The following CYSLTR2 variants were observed in gnomAD, a reference collection of about 807,000 sequenced individuals.
CYSLTR2 encodes the protein G-protein coupled receptor GPCR21.
For synonymous variants in CYSLTR2, 179 were observed against 160.8 expected (o/e 1.11, Z -0.86); for missense variants, 398 against 411.9 (o/e 0.97, Z 0.29).
intron 4 of CYSLTR2, among the ~76,000 whole-genome samples, chr13:48,698,749 C>G (rs1369897333): frequency 1.3e-5 from 2 of 152,030 alleles, no homozygotes; most frequent in Non-Finnish European, 2.9e-5. Flanking sequence ...GAGTCAAGAC[C>G]CATCAGCGTG....
chr13:48,692,862 C>A (rs1954073368), intron 2 of CYSLTR2, among the ~76,000 whole-genome samples: 1 of 151,426 alleles, frequency 6.6e-6, no homozygotes, highest in Admixed American at 6.6e-5. Flanking sequence ...TTTTGTTAAT[C>A]TATTGTCATT....
chr13:48,680,790 CTTTTCTTTTCTTTTTT>C (rs1230588651), intron 1 of CYSLTR2, among the ~76,000 whole-genome samples: 4 of 87,404 alleles, frequency 4.6e-5, no homozygotes, highest in Non-Finnish European at 9.1e-5. Flanking sequence ...TCTTTCTTTT[CTTTTCTTTTCTTTTTT>C]TTTTTTTTTT....
intron 1 of CYSLTR2, among the ~76,000 whole-genome samples, chr13:48,677,073 G>A (rs1953616849): frequency 6.6e-6 from 1 of 152,138 alleles, no homozygotes; most frequent in Non-Finnish European, 1.5e-5. Context: ...GTGACTGGGG[G>A]TCAGAAGGGT....
chr13:48,697,088 G>C (rs1353285943), intron 4 of CYSLTR2, among the ~76,000 whole-genome samples: 1 of 152,212 alleles, frequency 6.6e-6, no homozygotes, highest in Non-Finnish European at 1.5e-5. Context: ...TGGGGGCAGG[G>C]CATAGCTGAA....
chr13:48,663,942 A>C (rs1362922405), intron 1 of CYSLTR2, among the ~76,000 whole-genome samples: 3 of 152,036 alleles, frequency 2.0e-5, no homozygotes, highest in Admixed American at 2.0e-4. Context: ...TTTCTAATTT[A>C]GTAAGATGTT....
intron 1 of CYSLTR2, among the ~76,000 whole-genome samples, chr13:48,671,367 G>T (rs761994194): frequency 6.6e-6 from 1 of 152,206 alleles, no homozygotes; most frequent in Non-Finnish European, 1.5e-5. Context: ...TTTTCAAAGG[G>T]AATGCTTCCA....
intron 2 of CYSLTR2, among the ~76,000 whole-genome samples, chr13:48,692,654 G>C (rs529681157): frequency 2.6e-5 from 4 of 151,128 alleles, no homozygotes; most frequent in Non-Finnish European, 5.9e-5. Flanking sequence ...ATACATATTT[G>C]TGTTTCTCTG....
Position 48,709,670 on chromosome 13 carries a change from G to T in CYSLTR2, c.*1812G>T, listed in dbSNP as rs1459183746. 6.6e-6 allele frequency: 1 copy of T among 152,196 alleles called. No homozygotes were observed. The highest frequency in any genetic ancestry group is 2.1e-4 in the South Asian group (1 of 4,836). 9.4% of individuals were successfully genotyped at this position (152,196 alleles called of 1,614,324 possible). A position where few individuals can be genotyped will look rare whatever the true frequency, so the allele number is the denominator to read the frequency against. Reference sequence around the variant, plus strand: ...ACACAATACATTTGAGGGAAAGGCCGTAACATGAAAGGCACCAACAAATAA... The same window carrying T: ...ACACAATACATTTGAGGGAAAGGCCTTAACATGAAAGGCACCAACAAATAA... On this transcript the variant is annotated 3_prime_UTR_variant, in exon 5 of 5. Transcript: ENST00000682523.
chr13:48,661,480 T>G (rs2138812147), intron 1 of CYSLTR2, among the ~76,000 whole-genome samples: 1 of 152,218 alleles, frequency 6.6e-6, no homozygotes, highest in South Asian at 2.1e-4. Context: ...CTGCAAAAAT[T>G]TTGCCTCCTT....
chr13:48,698,288 A>T lies in CYSLTR2; in HGVS notation c.-2+1662A>T, dbSNP rs139841630. On this transcript the variant is annotated intron_variant, in intron 4 of 4. Coordinates refer to ENST00000682523, the MANE Select transcript of CYSLTR2 (RefSeq NM_001308476.3). ...CCCAGAGAGAAAGGTAGGGTTACCC[A>T]CAAAGGGAAGCCCATCAGACTAACA... Among the ~76,000 whole-genome samples, 1,356 of 152,354 alleles carry T rather than the reference A, an allele frequency of 8.9e-3. 23 individuals are homozygous for T. Among genetic ancestry groups the T allele is most frequent in the African/African-American group, 0.031 (1,297 of 41,582 alleles).
intron 1 of CYSLTR2, among the ~76,000 whole-genome samples, chr13:48,680,945 G>A (rs1187259782): frequency 6.6e-6 from 1 of 151,844 alleles, no homozygotes; most frequent in Non-Finnish European, 1.5e-5. Flanking sequence ...TTTTGAATGT[G>A]GGCTGGCCCT....
At chr13:48,703,886 A>G (rs572470707) in intron 4 of CYSLTR2, among the ~76,000 whole-genome samples, 4 of 152,304 alleles carry the variant, frequency 2.6e-5, no homozygotes, top group South Asian at 4.1e-4. Flanking sequence ...GAGTTTTTCA[A>G]TTGAGAATTT....
intron 1 of CYSLTR2, among the ~76,000 whole-genome samples, chr13:48,690,546 T>C (rs1954012028): frequency 6.6e-6 from 1 of 152,208 alleles, no homozygotes; most frequent in African/African-American, 2.4e-5. Flanking sequence ...GTTTCTGTGA[T>C]GGATTACGTT....
At chr13:48,700,657 T>C (rs1490092951) in intron 4 of CYSLTR2, among the ~76,000 whole-genome samples, 1 of 152,200 alleles carries the variant, frequency 6.6e-6, no homozygotes, top group Non-Finnish European at 1.5e-5. Context: ...GTGTTGGACG[T>C]TCTGGCCAGG....
chr13:48,696,335 C>A (rs1566101653), intron 3 of CYSLTR2, among the ~76,000 whole-genome samples, 191 bp from the exon 4 acceptor site: 1 of 152,118 alleles, frequency 6.6e-6, no homozygotes, highest in Non-Finnish European at 1.5e-5. Context: ...TATTCTCTCC[C>A]AGTCTGTAGC....
rs869282546 is a variant in CYSLTR2, at chr13:48,695,068, A to ATTTTTTTTTTTTTTTTTTTT, written c.-102-1451_-102-1432dup. Reference sequence around the variant, plus strand: ...AGACCATGGTATATCAGAACCTGGCATTTTTTTTTTTTTTTTTTTTTTTTT... The same window carrying ATTTTTTTTTTTTTTTTTTTT: ...AGACCATGGTATATCAGAACCTGGCATTTTTTTTTTTTTTTTTTTTTTTTTTTTTTTTTTTTTTTTTTTTT... On this transcript the variant is annotated intron_variant, in intron 3 of 4. Transcript: ENST00000682523. 4.0e-4 allele frequency among the ~76,000 whole-genome samples: 29 copies of ATTTTTTTTTTTTTTTTTTTT among 71,618 alleles called. 8 individuals carry two copies. Among genetic ancestry groups the ATTTTTTTTTTTTTTTTTTTT allele is most frequent in the African/African-American group, 1.4e-3 (22 of 16,280 alleles). The allele number at this position is 71,618 out of a possible 152,430, so 47.0% of individuals were successfully genotyped here.
intron 1 of CYSLTR2, among the ~76,000 whole-genome samples, chr13:48,683,581 G>GT (rs955079562): frequency 2.0e-5 from 3 of 150,926 alleles, no homozygotes; most frequent in South Asian, 2.1e-4. Context: ...TTTTAACGGA[G>GT]TTTTTTTTTC....
At chr13:48,673,433 CTTTTTTTTTTTTT>C (rs61699943) in intron 1 of CYSLTR2, among the ~76,000 whole-genome samples, 1 of 48,276 alleles carries the variant, frequency 2.1e-5, no homozygotes, top group Non-Finnish European at 3.7e-5. Context: ...GTAACCCCGG[CTTTTTTTTTTTTT>C]TTTTTTTTTT....
At chr13:48,688,580 C>T (rs890165503) in intron 1 of CYSLTR2, among the ~76,000 whole-genome samples, 2 of 152,172 alleles carry the variant, frequency 1.3e-5, no homozygotes, top group South Asian at 2.1e-4. Flanking sequence ...CTGCAAATGT[C>T]GTGAACTCAT....
Sources: gnomAD v4.1 joint callset for allele counts (sites outside exome capture counted in the v4.1 genomes callset) on GRCh38, gnomAD v4.1.1 for gene constraint, MANE v1.5 for transcripts, NCBI Gene and HGNC (gene_info 2026-07-23, HGNC 2026-07-21) for gene names.